Variants in TOM1L1 observed in about 807,000 individuals in gnomAD.
TOM1L1 encodes the protein TOM1-like protein 1.
TOM1L1 carries 64 observed loss-of-function variants against 63.4 expected under a neutral mutation model. The ratio of observed to expected loss-of-function variants is 1.01; its 90% CI spans 0.83 to 1.24. The LOEUF (loss-of-function observed/expected upper bound fraction) is 1.24. Among genes scored for constraint, TOM1L1 ranks in the 50% most tolerant of loss-of-function variants. TOM1L1 has a pLI of 0.00. For missense variants in TOM1L1, 536 were observed against 567.0 expected (o/e 0.95, Z 0.55); for synonymous variants, 166 against 194.4 (o/e 0.85, Z 1.22).
chr17:54,924,185 C>G (rs1022934935), intron 7 of TOM1L1, among the ~76,000 whole-genome samples: 1 of 151,916 alleles, frequency 6.6e-6, no homozygotes, highest in African/African-American at 2.4e-5. Flanking sequence ...CTTGAGTGCA[C>G]TGAGTTCATT....
At chr17:54,960,993 G>C in intron 15 of TOM1L1, 1 of 556,296 alleles carries the variant, frequency 1.8e-6, no homozygotes, top group South Asian at 2.3e-5. Flanking sequence ...CCTCCAAATA[G>C]GTCTGAATTT....
At chr17:54,903,928 G>A in intron 2 of TOM1L1, 136 bp downstream of exon 2, 1 of 705,386 alleles carries the variant, frequency 1.4e-6, no homozygotes, top group Non-Finnish European at 2.4e-6. Flanking sequence ...TCTATCTTTT[G>A]AAGACTTGTC....
At chr17:54,940,825 G>T (rs762685080) in intron 11 of TOM1L1, among the ~76,000 whole-genome samples, 2 of 152,060 alleles carry the variant, frequency 1.3e-5, no homozygotes, top group African/African-American at 2.4e-5. Flanking sequence ...TGAAAGAGTG[G>T]TTACGTAAGT....
chr17:54,956,861 G>GT (rs2049535786), intron 14 of TOM1L1: 3 of 152,270 alleles, frequency 2.0e-5, no homozygotes, highest in Admixed American at 6.5e-5. Context: ...AGGGAAGAGG[G>GT]TATGTCGTTG....
At position 54,949,486 on chromosome 17, in the gene TOM1L1, G is replaced by A. The variant is rs758175134; in HGVS notation, c.1183-32G>A. On this transcript the variant is annotated intron_variant, in intron 12 of 15. Coordinates refer to ENST00000575882, the MANE Select transcript of TOM1L1 (RefSeq NM_005486.3). ...ATAAAAGAAAAGCTTAATGTAGAACGTTTATATGAACATGTGTTATGCTTT... is the reference window on the plus strand; with the variant it reads ...ATAAAAGAAAAGCTTAATGTAGAACATTTATATGAACATGTGTTATGCTTT... The A allele has an allele frequency of 1.4e-5, 21 of 1,530,636 alleles. No homozygotes were observed. The Admixed American group carries it at 2.0e-4, about 15-fold the overall frequency. 94.8% of individuals were successfully genotyped at this position (1,530,636 alleles called of 1,614,324 possible).
chr17:54,920,224 C>A (rs1266275465), intron 7 of TOM1L1, among the ~76,000 whole-genome samples: 1 of 152,066 alleles, frequency 6.6e-6, no homozygotes, highest in African/African-American at 2.4e-5. Context: ...AGCAGGGTGG[C>A]ACCCACCTTG....
chr17:54,958,629 G>T (rs1177269151), intron 14 of TOM1L1, among the ~76,000 whole-genome samples: 2 of 151,606 alleles, frequency 1.3e-5, no homozygotes, highest in African/African-American at 2.4e-5. Flanking sequence ...TATTCGGGAG[G>T]ATGAATAGGA....
intron 7 of TOM1L1, among the ~76,000 whole-genome samples, chr17:54,921,784 C>T (rs994835607): frequency 9.9e-5 from 15 of 151,724 alleles, no homozygotes; most frequent in Admixed American, 1.3e-4. Flanking sequence ...TACAGTTAAC[C>T]CTTGAACAAC....
intron 11 of TOM1L1, among the ~76,000 whole-genome samples, chr17:54,946,678 A>G (rs2049124614): frequency 6.6e-6 from 1 of 152,218 alleles, no homozygotes; most frequent in Admixed American, 6.5e-5. Context: ...CCCTTCTCCT[A>G]GAGCTCTGTC....
chr17:54,960,882 A>C (rs1353113686), intron 15 of TOM1L1, among the ~76,000 whole-genome samples: 2 of 152,220 alleles, frequency 1.3e-5, no homozygotes, highest in Admixed American at 6.5e-5. Flanking sequence ...TAATGCTAAC[A>C]AAATAGATGA....
chr17:54,903,754 C>G lies in TOM1L1; in HGVS notation c.105C>G (p.Phe35Leu). The change falls in exon 2 of 16, where the codon TTC becomes TTG. Residue 35 changes from phenylalanine (F) to leucine (L), a missense_variant. By Grantham distance (22) the Phe-to-Leu change is conservative (BLOSUM62 0). Transcript: ENST00000575882. ...AGVQTEDWGQ[F>L]MHICDIINTT... The stretch of plus-strand genomic sequence containing the variant: ...TTCAGACTGAAGATTGGGGCCAGTT[C>G]ATGCACATCTGTGACATAATTAACA... The G allele has an allele frequency of 6.2e-7, 1 of 1,614,198 alleles. No homozygotes were observed. The highest frequency in any genetic ancestry group is 8.5e-7 in the Non-Finnish European group (1 of 1,180,038).
At chr17:54,951,710 C>A (rs987735341) in intron 14 of TOM1L1, among the ~76,000 whole-genome samples, 2 of 152,184 alleles carry the variant, frequency 1.3e-5, no homozygotes, top group South Asian at 4.1e-4. Flanking sequence ...TTCTGGACTT[C>A]TAGATCATTT....
chr17:54,907,001 T>G (rs1598001567), intron 3 of TOM1L1, among the ~76,000 whole-genome samples: 1 of 152,350 alleles, frequency 6.6e-6, no homozygotes, highest in East Asian at 1.9e-4. Context: ...GCATAGCTCC[T>G]GGTTTCTAGT....
At position 54,930,176 on chromosome 17, in the gene TOM1L1, A is replaced by T. The variant is rs780140638; in HGVS notation, c.824A>T (p.Asp275Val). Residue 275 changes from aspartate (D) to valine (V), a missense_variant, in exon 8 of 16, where the codon GAT (aspartate) becomes GTT (valine). Physicochemically the swap from Asp to Val is radical, Grantham distance 152. Coordinates refer to ENST00000575882, the MANE Select transcript of TOM1L1 (RefSeq NM_005486.3). ...GTTGAGCTAATTCAGGTGAATGAGG[A>T]TTTGAATAATGCTATCCTTGGATAT... ...VTVELIQVNEDLNNAILGYER... is the reference protein window; with the variant it reads ...VTVELIQVNEVLNNAILGYER... 2.1e-5 allele frequency: 34 copies of T among 1,614,104 alleles called. No homozygotes were observed. The highest frequency in any genetic ancestry group is 2.9e-5 in the Non-Finnish European group (34 of 1,179,998).
At position 54,911,760 on chromosome 17, in the gene TOM1L1, C is replaced by T. The variant is rs7222416; in HGVS notation, c.223-906C>T. On this transcript the variant is annotated intron_variant, in intron 3 of 15. Coordinates refer to ENST00000575882, the MANE Select transcript of TOM1L1 (RefSeq NM_005486.3). ...TATCATTCCAGGTTTCTTCTCCCTC[C>T]GCTTGCCTTTGCAGAGTGCTGCCTG... Among the ~76,000 whole-genome samples the T allele has an allele frequency of 5.8e-3, 876 of 152,280 alleles. 9 individuals are homozygous for T. Among genetic ancestry groups the T allele is most frequent in the African/African-American group, 0.02 (819 of 41,550 alleles).
At chr17:54,923,952 A>G (rs900169250) in intron 7 of TOM1L1, among the ~76,000 whole-genome samples, 1 of 152,098 alleles carries the variant, frequency 6.6e-6, no homozygotes, top group South Asian at 2.1e-4. Context: ...AGATTGCACC[A>G]CCGTACTCCA....
intron 6 of TOM1L1, 148 bp from the exon 7 acceptor site, chr17:54,915,598 G>A (rs1011617347): frequency 1.9e-5 from 9 of 476,234 alleles, no homozygotes; most frequent in African/African-American, 8.0e-5. Context: ...ATAACTATAT[G>A]TATATTTATA....
chr17:54,934,875 G>A (rs988972365), intron 8 of TOM1L1, among the ~76,000 whole-genome samples: 9 of 151,952 alleles, frequency 5.9e-5, no homozygotes, highest in South Asian at 4.2e-4. Flanking sequence ...ATGCCACCAC[G>A]CCCAGCTAAT....
intron 14 of TOM1L1, chr17:54,956,931 CAT>C (rs1167257157): frequency 2.0e-5 from 3 of 152,224 alleles, no homozygotes; most frequent in South Asian, 2.1e-4. Flanking sequence ...ACACAGGTCA[CAT>C]GTTATGGTAA....
Sources: allele counts gnomAD v4.1 joint callset (sites outside exome capture counted in the v4.1 genomes callset), GRCh38; gene constraint gnomAD v4.1.1; transcripts MANE v1.5; gene names NCBI Gene and HGNC (gene_info 2026-07-23, HGNC 2026-07-21).